LRP4: variants seen among roughly 807,000 people sequenced by gnomAD.
LRP4 encodes low-density lipoprotein receptor-related protein 4.
In LRP4, 95 loss-of-function variants were observed where a neutral mutation model predicts 220.3. That is an observed-to-expected ratio of 0.43 (90% CI 0.37 to 0.51). The LOEUF (loss-of-function observed/expected upper bound fraction) is 0.51, where lower values mean the gene tolerates loss of function less well. LRP4 is among the 20% of genes least tolerant of loss of function. The pLI, the probability that LRP4 is intolerant of heterozygous loss-of-function variation, is 0.00. For synonymous variants in LRP4, 903 were observed against 954.6 expected (o/e 0.95, Z 1.00); for missense variants, 1,925 against 2,567.0 (o/e 0.75, Z 5.40).
At chr11:46,912,405 A>T (rs1002653878) in intron 1 of LRP4, among the ~76,000 whole-genome samples, 3 of 152,202 alleles carry the variant, frequency 2.0e-5, no homozygotes, top group Non-Finnish European at 2.9e-5. Flanking sequence ...CATTTGGGGA[A>T]GATACATTGT....
Position 46,874,799 on chromosome 11 carries a change from C to A in LRP4, c.4229+1G>T. On this transcript the variant is annotated splice_donor_variant, in intron 28 of 37. Coordinates refer to ENST00000378623, the MANE Select transcript of LRP4 (RefSeq NM_002334.4). LOFTEE classifies it high-confidence loss of function. ...TCTGGAGGTTTCAGTGTTGCTCATA[C>A]CTGATAACATCCAGGAACACATCTG... The A allele has an allele frequency of 6.2e-7, 1 of 1,613,664 alleles. No homozygotes were observed. The highest frequency in any genetic ancestry group is 8.5e-7 in the Non-Finnish European group (1 of 1,179,580).
At chr11:46,897,651 G>A (rs1316969583) in intron 7 of LRP4, among the ~76,000 whole-genome samples, 5 of 151,456 alleles carry the variant, frequency 3.3e-5, no homozygotes, top group South Asian at 2.1e-4. Flanking sequence ...TTAACCCTGA[G>A]TGGACACAGC....
At position 46,896,354 on chromosome 11, in the gene LRP4, A is replaced by G. The variant is rs528895748; in HGVS notation, c.923-19T>C. 8.1e-6 allele frequency: 13 copies of G among 1,612,328 alleles called. No individual in the cohort carries two copies. The East Asian group carries it at 2.9e-4, about 36-fold the overall frequency. On this transcript the variant is annotated intron_variant, in intron 8 of 37. Coordinates refer to ENST00000378623, the MANE Select transcript of LRP4 (RefSeq NM_002334.4). ...GGGCTTCCTAGAGAGATGGAGGGTCAGGTCATAGCAAGGCAGGGCTTGGGC... is the reference window on the plus strand; with the variant it reads ...GGGCTTCCTAGAGAGATGGAGGGTCGGGTCATAGCAAGGCAGGGCTTGGGC...
intron 1 of LRP4, among the ~76,000 whole-genome samples, chr11:46,912,672 A>G (rs1001540821): frequency 3.3e-5 from 5 of 152,148 alleles, no homozygotes; most frequent in African/African-American, 1.2e-4. Flanking sequence ...CGTGACAGGA[A>G]GTGGAGCTGC....
At chr11:46,882,106 AT>A (rs1320697288) in intron 19 of LRP4, among the ~76,000 whole-genome samples, 2 of 152,242 alleles carry the variant, frequency 1.3e-5, no homozygotes, top group African/African-American at 2.4e-5. Flanking sequence ...CAGAGTCTTA[AT>A]AAAAGCAGAG....
chr11:46,889,504 C>T lies in LRP4; in HGVS notation c.2122G>A (p.Gly708Ser). ...CTGGGCAGACACAGGTGCGTGCAGC[C>T]TCCGTTGTTGTCCCCACAGCGGTTT... is the stretch of plus-strand genomic sequence containing the variant. ...GKNRCGDNNG[G>S]CTHLCLPSGQ... is the part of the protein sequence containing the mutation. The change falls in exon 16 of 38, where the codon GGC becomes AGC. Residue 708 changes from glycine to serine, a missense_variant. Gly to Ser is a moderately conservative substitution (Grantham distance 56). This residue lies in a region of LRP4 where 1,244 missense variants were observed against 1,624.9 expected (regional missense o/e 0.77). Transcript: ENST00000378623. The T allele has an allele frequency of 6.2e-7, 1 of 1,614,086 alleles. No homozygotes were observed. The highest frequency in any genetic ancestry group is 8.5e-7 in the Non-Finnish European group (1 of 1,180,040).
At chr11:46,911,435 AT>A (rs954236101) in intron 1 of LRP4, among the ~76,000 whole-genome samples, 7 of 152,034 alleles carry the variant, frequency 4.6e-5, no homozygotes, top group Non-Finnish European at 1.0e-4. Flanking sequence ...AACAAACCAC[AT>A]TTGTTTATGG....
At chr11:46,887,790 C>T (rs555518774) in intron 16 of LRP4, among the ~76,000 whole-genome samples, 1 of 151,896 alleles carries the variant, frequency 6.6e-6, no homozygotes, top group East Asian at 1.9e-4. Context: ...GAGATCATGC[C>T]GCCACACTCC....
chr11:46,864,625 T>C, intron 35 of LRP4, 90 bp from the exon 36 acceptor site: 1 of 883,994 alleles, frequency 1.1e-6, no homozygotes, highest in Non-Finnish European at 1.9e-6. Context: ...AGGCTCCTTT[T>C]GTAGGTGTTG....
At chr11:46,913,800 G>A (rs997818637) in intron 1 of LRP4, among the ~76,000 whole-genome samples, 3 of 152,112 alleles carry the variant, frequency 2.0e-5, no homozygotes, top group African/African-American at 7.2e-5. Context: ...GAGAACTAAG[G>A]CGACATGAGT....
At chr11:46,889,386 A>G in intron 16 of LRP4, 25 bp downstream of exon 16, 2 of 1,613,314 alleles carry the variant, frequency 1.2e-6, no homozygotes, top group Non-Finnish European at 1.7e-6. Flanking sequence ...GCCTCCATGG[A>G]GGCTGGTGTT....
At chr11:46,905,792 C>T (rs964471568) in intron 1 of LRP4, among the ~76,000 whole-genome samples, 2 of 147,690 alleles carry the variant, frequency 1.4e-5, no homozygotes, top group South Asian at 2.1e-4. Context: ...GCAGAGGTTG[C>T]GGTGAGGGGA....
Position 46,873,693 on chromosome 11 carries a change from C to T in LRP4, c.4230-100G>A. 1 of 903,676 alleles carries T rather than the reference C, an allele frequency of 1.1e-6. No individual in the cohort carries two copies. Among genetic ancestry groups the T allele is most frequent in the Admixed American group, 2.1e-5 (1 of 46,568 alleles). The allele number at this position is 903,676 out of a possible 1,614,324, so 56.0% of individuals were successfully genotyped here. A position where few individuals can be genotyped will look rare whatever the true frequency, so the allele number is the denominator to read the frequency against. ...TAACTGGACCCCACTGAACTGTAAGCTCCACAGGGATAGAGACCAGGTATC... is the reference window on the plus strand; with the variant it reads ...TAACTGGACCCCACTGAACTGTAAGTTCCACAGGGATAGAGACCAGGTATC... On this transcript the variant is annotated intron_variant, in intron 28 of 37. Coordinates refer to ENST00000378623, the MANE Select transcript of LRP4 (RefSeq NM_002334.4). The surrounding 1 kb of genome is among the most constrained non-coding windows in gnomAD (Gnocchi z 4.2).
chr11:46,864,774 A>G (rs1232244383), intron 35 of LRP4, among the ~76,000 whole-genome samples: 1 of 152,242 alleles, frequency 6.6e-6, no homozygotes, highest in Non-Finnish European at 1.5e-5. Context: ...GCTATCTGAC[A>G]TAAGGCAAGA....
At chr11:46,876,943 G>A in intron 23 of LRP4, 113 bp from the exon 24 acceptor site, 2 of 957,414 alleles carry the variant, frequency 2.1e-6, no homozygotes, top group Non-Finnish European at 3.4e-6. Context: ...GGAGCCTCTA[G>A]CAGAGGAAAT....
chr11:46,904,690 T>TG (rs1010072277), intron 1 of LRP4, among the ~76,000 whole-genome samples: 1 of 152,092 alleles, frequency 6.6e-6, no homozygotes, highest in African/African-American at 2.4e-5. Context: ...AGGATTGGGC[T>TG]GGGCACGGTG....
At chr11:46,898,455 G>C (rs1362461765) in intron 7 of LRP4, 103 bp downstream of exon 7, 12 of 1,520,946 alleles carry the variant, frequency 7.9e-6, no homozygotes, top group Non-Finnish European at 1.1e-5. Context: ...CAAAGTGCTG[G>C]CATTATAAGC....
At chr11:46,862,068 C>CAAAAA (rs35296081) in intron 37 of LRP4, among the ~76,000 whole-genome samples, 70 of 63,530 alleles carry the variant, frequency 1.1e-3, no homozygotes, top group Non-Finnish European at 1.4e-3. Context: ...AACTCTGTCT[C>CAAAAA]AAAAAAAAAA....
At chr11:46,871,174 A>G (rs1940850256) in intron 31 of LRP4, among the ~76,000 whole-genome samples, 2 of 152,170 alleles carry the variant, frequency 1.3e-5, no homozygotes, top group South Asian at 4.1e-4. Context: ...TAACTGGGGA[A>G]CTTGTCAAAA....
Sources: gnomAD v4.1 joint callset for allele counts (sites outside exome capture counted in the v4.1 genomes callset) on GRCh38, gnomAD v4.1.1 for gene constraint, gnomAD v4.1.1 regional missense constraint, Gnocchi (gnomAD v3.1) non-coding constraint, MANE v1.5 for transcripts, NCBI Gene and HGNC (gene_info 2026-07-23, HGNC 2026-07-21) for gene names.